The following KCTD16 variants were observed in gnomAD, a reference collection of about 807,000 sequenced individuals.
KCTD16 encodes potassium channel tetramerization domain containing 16, also known as BTB/POZ domain-containing protein KCTD16.
Under a neutral mutation model 33.2 loss-of-function variants are expected in KCTD16, and 13 were observed. The observed-to-expected ratio is 0.39, with a 90% CI of 0.25 to 0.62. The LOEUF (loss-of-function observed/expected upper bound fraction) is 0.62. Among genes scored for constraint, KCTD16 ranks in the 20% least tolerant of loss-of-function variants. KCTD16 has a pLI of 0.50. For missense variants in KCTD16, 441 were observed against 525.1 expected, an observed-to-expected ratio of 0.84 and a Z score of 1.57; for synonymous variants, 197 against 195.3, an observed-to-expected ratio of 1.01 and a Z score of -0.07.
chr5:144,343,443 C>T (rs1752699985), intron 3 of KCTD16, among the ~76,000 whole-genome samples: 2 of 152,064 alleles, frequency 1.3e-5, no homozygotes. Context: ...ATCATTTTCT[C>T]TTATGTCTAT....
chr5:144,206,867 G>A lies in KCTD16; in HGVS notation c.153G>A (p.Leu51=). 6.2e-7 allele frequency: 1 copy of A among 1,614,064 alleles called. No individual in the cohort carries two copies. Among genetic ancestry groups the A allele is most frequent in the Non-Finnish European group, 8.5e-7 (1 of 1,180,012 alleles). The change falls in exon 3 of 4, where the codon CTG becomes CTA. Residue 51 remains leucine, a synonymous_variant. Transcript: ENST00000512467. ...STLISIPHSL[L]WKMFSPKRDT... is the part of the protein sequence containing the mutation. ...TGATAAGCATCCCTCATTCCCTCCT[G>A]TGGAAAATGTTTTCCCCAAAGAGAG...
At chr5:144,377,646 T>C (rs1752122544) in intron 3 of KCTD16, 1 of 152,144 alleles carries the variant, frequency 6.6e-6, no homozygotes, top group Non-Finnish European at 1.5e-5. Context: ...TCCCTAAATT[T>C]AAGCTTCTGA....
intron 3 of KCTD16, among the ~76,000 whole-genome samples, chr5:144,453,286 A>G (rs944086147): frequency 6.6e-6 from 1 of 152,060 alleles, no homozygotes; most frequent in Non-Finnish European, 1.5e-5. Context: ...ACAAGCCTGT[A>G]TAGCTGTCTT....
chr5:144,288,269 G>T (rs866395170), intron 3 of KCTD16, among the ~76,000 whole-genome samples: 1 of 152,192 alleles, frequency 6.6e-6, no homozygotes, highest in Middle Eastern at 3.2e-3. Context: ...GTAAGACCTT[G>T]AACAAATTGC....
chr5:144,191,232 G>C (rs1341512332), intron 2 of KCTD16, among the ~76,000 whole-genome samples: 1 of 152,170 alleles, frequency 6.6e-6, no homozygotes, highest in Non-Finnish European at 1.5e-5. Flanking sequence ...AAGGGATGCT[G>C]GGGAGAGGGT....
intron 3 of KCTD16, among the ~76,000 whole-genome samples, chr5:144,339,690 A>C (rs1752579457): frequency 6.6e-6 from 1 of 152,138 alleles, no homozygotes; most frequent in Admixed American, 6.5e-5. Flanking sequence ...AAGAGTTGAG[A>C]TGCACTCATG....
intron 3 of KCTD16, among the ~76,000 whole-genome samples, chr5:144,435,892 G>A (rs1753566929): frequency 6.6e-6 from 1 of 151,764 alleles, no homozygotes; most frequent in Admixed American, 6.6e-5. Context: ...CAAGAATTCT[G>A]TAACTGTTAT....
chr5:144,254,776 C>CT (rs373745195), intron 3 of KCTD16, among the ~76,000 whole-genome samples: 21 of 149,292 alleles, frequency 1.4e-4, no homozygotes, highest in East Asian at 2.0e-4. Context: ...ATTTGTCTTT[C>CT]TTTTTTTTTT....
intron 3 of KCTD16, among the ~76,000 whole-genome samples, chr5:144,284,253 G>A (rs188589090): frequency 1.2e-4 from 19 of 152,290 alleles, no homozygotes; most frequent in African/African-American, 4.6e-4. Flanking sequence ...CAAATAGCAT[G>A]GACTACTAGT....
At chr5:144,219,486 T>A (rs1753668210) in intron 3 of KCTD16, among the ~76,000 whole-genome samples, 1 of 147,154 alleles carries the variant, frequency 6.8e-6, no homozygotes. Context: ...AGTGCTAGGA[T>A]GACAGGCATG....
chr5:144,422,419 G>A (rs1436032071), intron 3 of KCTD16, among the ~76,000 whole-genome samples: 5 of 152,166 alleles, frequency 3.3e-5, no homozygotes, highest in Non-Finnish European at 7.4e-5. Context: ...ACAAGTAGAA[G>A]TATTTGTCCT....
intron 2 of KCTD16, among the ~76,000 whole-genome samples, chr5:144,183,052 A>AG (rs1280139235): frequency 2.0e-5 from 3 of 152,020 alleles, no homozygotes; most frequent in African/African-American, 7.2e-5. Flanking sequence ...ACATAAAAAA[A>AG]AAAAATAAAA....
chr5:144,261,081 A>T (rs551388716), intron 3 of KCTD16, among the ~76,000 whole-genome samples: 1 of 151,076 alleles, frequency 6.6e-6, no homozygotes. Context: ...AGAGGCTGTC[A>T]TGCTTAAGAT....
intron 3 of KCTD16, among the ~76,000 whole-genome samples, chr5:144,442,465 C>CTTTCTTTA (rs1227850058): frequency 2.0e-5 from 3 of 151,212 alleles, no homozygotes; most frequent in Admixed American, 6.6e-5. Context: ...TTCTTTCTTT[C>CTTTCTTTA]TTTCTTTCTT....
At chr5:144,259,115 G>A (rs1006083348) in intron 3 of KCTD16, among the ~76,000 whole-genome samples, 19 of 151,912 alleles carry the variant, frequency 1.3e-4, no homozygotes, top group South Asian at 1.3e-3. Flanking sequence ...AAAATTAGCC[G>A]GGGGTGGTGG....
At chr5:144,463,531 G>T (rs1754251516) in intron 3 of KCTD16, among the ~76,000 whole-genome samples, 1 of 152,086 alleles carries the variant, frequency 6.6e-6, no homozygotes, top group South Asian at 2.1e-4. Context: ...AACATTTTTT[G>T]ATGAAGAAGC....
rs138576248 is a variant in KCTD16, at chr5:144,456,992, A to G, written c.833-16668A>G. Among the ~76,000 whole-genome samples, 350 of 152,344 alleles carry G rather than the reference A, an allele frequency of 2.3e-3. 1 individual carries two copies. The highest frequency in any genetic ancestry group is 8.2e-3 in the African/African-American group (339 of 41,576). ...AAATAAAATATCCACATTGCCATAG[A>G]TGGAAAATGAAGTTTAAGCTTCAAG... On this transcript the variant is annotated intron_variant, in intron 3 of 3. Coordinates refer to ENST00000512467, the MANE Select transcript of KCTD16 (RefSeq NM_020768.4).
At chr5:144,451,538 C>CT (rs567539862) in intron 3 of KCTD16, among the ~76,000 whole-genome samples, 2 of 151,550 alleles carry the variant, frequency 1.3e-5, no homozygotes, top group Non-Finnish European at 2.9e-5. Flanking sequence ...AAAAGTCTCA[C>CT]TTTTTTTTTG....
At chr5:144,200,541 C>T (rs762836100) in intron 2 of KCTD16, among the ~76,000 whole-genome samples, 3 of 152,196 alleles carry the variant, frequency 2.0e-5, no homozygotes, top group African/African-American at 7.2e-5. Context: ...GAAGATTTGA[C>T]AGCTGTATTT....
Sources: allele counts gnomAD v4.1 joint callset (sites outside exome capture counted in the v4.1 genomes callset), GRCh38; gene constraint gnomAD v4.1.1; transcripts MANE v1.5; gene names NCBI Gene and HGNC (gene_info 2026-07-23, HGNC 2026-07-21).